Variants in VAT1L observed in about 807,000 individuals in gnomAD.
VAT1L encodes vesicle amine transport 1 like.
In VAT1L, 34 loss-of-function variants were observed where a neutral mutation model predicts 44.1. That is an observed-to-expected ratio of 0.77 (90% CI 0.59 to 1.03). The LOEUF is 1.03. Ranked by LOEUF, VAT1L falls within the 50% of genes least tolerant of loss-of-function variation. VAT1L has a pLI of 0.00. For missense variants in VAT1L, 615 were observed against 538.8 expected (o/e 1.14, Z -1.40); for synonymous variants, 253 against 202.2 (o/e 1.25, Z -2.13).
At chr16:77,949,536 T>C (rs1453229995) in intron 7 of VAT1L, among the ~76,000 whole-genome samples, 1 of 152,208 alleles carries the variant, frequency 6.6e-6, no homozygotes. Context: ...TCCACATGAA[T>C]AGATTAATGC....
intron 3 of VAT1L, among the ~76,000 whole-genome samples, chr16:77,838,310 C>T (rs17717673): frequency 6.6e-6 from 1 of 152,090 alleles, no homozygotes; most frequent in African/African-American, 2.4e-5. Context: ...AAAATCAGTT[C>T]AGTTGGGAAA....
intron 5 of VAT1L, among the ~76,000 whole-genome samples, chr16:77,877,537 A>AAAAC (rs2017102228): frequency 7.4e-6 from 1 of 135,796 alleles, no homozygotes; most frequent in Non-Finnish European, 1.6e-5. Context: ...AAAAAAAAAA[A>AAAAC]AAAAAACCAC....
rs984322644 is a variant in VAT1L at position 77,788,963 on chromosome 16, C to T, written c.233+48C>T. The T allele has an allele frequency of 2.1e-6, 3 of 1,425,870 alleles. No homozygotes were observed. In the African/African-American group the frequency reaches 4.4e-5, roughly 21 times the overall value. The allele number at this position is 1,425,870 out of a possible 1,614,324, so 88.3% of individuals were successfully genotyped here. On this transcript the variant is annotated intron_variant, in intron 1 of 8. Transcript: ENST00000302536. ...GCTTTCTCTCTTTTTGCGCGCTGGGCGCTGGGGAGGGGGTGGGAAAGCTGC... is the reference window on the plus strand; with the variant it reads ...GCTTTCTCTCTTTTTGCGCGCTGGGTGCTGGGGAGGGGGTGGGAAAGCTGC...
chr16:77,934,771 G>A (rs963104735), intron 7 of VAT1L, among the ~76,000 whole-genome samples: 3 of 152,124 alleles, frequency 2.0e-5, no homozygotes, highest in Non-Finnish European at 2.9e-5. Context: ...TCTTAAAATG[G>A]AAAAGTACTT....
intron 3 of VAT1L, among the ~76,000 whole-genome samples, chr16:77,834,007 C>G (rs977612762): frequency 6.6e-6 from 1 of 152,130 alleles, no homozygotes; most frequent in African/African-American, 2.4e-5. Flanking sequence ...AACAGGCTTC[C>G]TCATTAGTTT....
intron 4 of VAT1L, among the ~76,000 whole-genome samples, chr16:77,875,589 T>C (rs1333563643): frequency 1.3e-5 from 2 of 152,154 alleles, no homozygotes; most frequent in Non-Finnish European, 2.9e-5. Context: ...GTTGCTTACA[T>C]GCATTAGTGA....
At chr16:77,961,840 C>T (rs534266263) in intron 7 of VAT1L, among the ~76,000 whole-genome samples, 86 of 152,310 alleles carry the variant, frequency 5.6e-4, no homozygotes, top group Middle Eastern at 3.4e-3. Context: ...CTTAGCATCT[C>T]GGAACCTAAG....
chr16:77,892,456 G>A, intron 7 of VAT1L: 1 of 502,292 alleles, frequency 2.0e-6, no homozygotes, highest in South Asian at 1.6e-5. Context: ...GGTTGACAGT[G>A]CGGTTGATGG....
intron 3 of VAT1L, among the ~76,000 whole-genome samples, chr16:77,836,167 T>TA (rs1394132290): frequency 2.6e-5 from 4 of 152,064 alleles, no homozygotes; most frequent in Non-Finnish European, 5.9e-5. Flanking sequence ...GCTATAATGT[T>TA]AATTATAGTC....
chr16:77,877,712 A>G (rs1365702665), intron 5 of VAT1L, among the ~76,000 whole-genome samples: 1 of 152,110 alleles, frequency 6.6e-6, no homozygotes, highest in Non-Finnish European at 1.5e-5. Context: ...AAAAACACTT[A>G]TTTCCCTGCT....
intron 3 of VAT1L, among the ~76,000 whole-genome samples, chr16:77,838,225 C>G (rs530059194): frequency 6.6e-6 from 1 of 152,288 alleles, no homozygotes; most frequent in Admixed American, 6.5e-5. Flanking sequence ...ACTCTGGGGA[C>G]CCATCCACTT....
intron 3 of VAT1L, among the ~76,000 whole-genome samples, chr16:77,831,469 C>G (rs1377815568): frequency 1.3e-5 from 2 of 152,132 alleles, no homozygotes; most frequent in African/African-American, 2.4e-5. Context: ...GTGTCATACT[C>G]CCTGAGATGA....
At chr16:77,845,350 G>A (rs1477245426) in intron 3 of VAT1L, among the ~76,000 whole-genome samples, 4 of 152,082 alleles carry the variant, frequency 2.6e-5, no homozygotes. Flanking sequence ...GTTCCTGAGT[G>A]TGCTCTCCCC....
intron 7 of VAT1L, among the ~76,000 whole-genome samples, chr16:77,957,646 A>T (rs1226727418): frequency 6.6e-6 from 1 of 151,674 alleles, no homozygotes; most frequent in Non-Finnish European, 1.5e-5. Flanking sequence ...AATCACTTGA[A>T]CCCGGGAGGC....
intron 7 of VAT1L, among the ~76,000 whole-genome samples, chr16:77,904,097 A>G (rs1198831900): frequency 6.6e-6 from 1 of 151,862 alleles, no homozygotes; most frequent in Non-Finnish European, 1.5e-5. Flanking sequence ...AATAACCCAA[A>G]AGGAATAACC....
intron 7 of VAT1L, among the ~76,000 whole-genome samples, chr16:77,937,404 C>T (rs980754989): frequency 6.6e-6 from 1 of 152,202 alleles, no homozygotes; most frequent in Admixed American, 6.5e-5. Flanking sequence ...AACACCCATT[C>T]CAGGTTTTGG....
intron 1 of VAT1L, among the ~76,000 whole-genome samples, chr16:77,796,073 G>A (rs1386571973): frequency 1.3e-5 from 2 of 152,022 alleles, no homozygotes; most frequent in South Asian, 2.1e-4. Flanking sequence ...TGATCTGCCC[G>A]CCTCGGCCTC....
At chr16:77,823,942 G>A (rs1427250462) in intron 2 of VAT1L, among the ~76,000 whole-genome samples, 1 of 152,180 alleles carries the variant, frequency 6.6e-6, no homozygotes, top group East Asian at 1.9e-4. Flanking sequence ...ACAATCGCTT[G>A]TACCTGGGAG....
chr16:77,927,767 G>C (rs563097893), intron 7 of VAT1L, among the ~76,000 whole-genome samples: 14 of 152,222 alleles, frequency 9.2e-5, no homozygotes, highest in African/African-American at 3.4e-4. Context: ...TACTCGGGAG[G>C]ATGAGGCAGG....
Sources: gnomAD v4.1 joint callset for allele counts (sites outside exome capture counted in the v4.1 genomes callset) on GRCh38, gnomAD v4.1.1 for gene constraint, MANE v1.5 for transcripts, NCBI Gene and HGNC (gene_info 2026-07-23, HGNC 2026-07-21) for gene names.